KAZN: variants seen among roughly 807,000 people sequenced by gnomAD.
KAZN encodes kazrin, periplakin interacting protein.
KAZN carries 40 observed loss-of-function variants against 87.4 expected under a neutral mutation model. The observed-to-expected ratio is 0.46, with a 90% confidence interval of 0.36 to 0.60. KAZN has a LOEUF of 0.60. KAZN is among the 20% of genes least tolerant of loss of function. The pLI is 0.00. For synonymous variants in KAZN, 466 were observed against 458.3 expected, an observed-to-expected ratio of 1.02 and a Z score of -0.22; for missense variants, 898 against 1,073.9, an observed-to-expected ratio of 0.84 and a Z score of 2.29.
intron 2 of KAZN, among the ~76,000 whole-genome samples, chr1:14,985,848 C>T (rs1188817072): frequency 6.6e-6 from 1 of 151,192 alleles, no homozygotes; most frequent in Non-Finnish European, 1.5e-5. Context: ...ACTAAGAATA[C>T]AAAAATTAGC....
At chr1:14,359,708 T>A (rs10927412) in intron 2 of KAZN, among the ~76,000 whole-genome samples, 5 of 151,970 alleles carry the variant, frequency 3.3e-5, no homozygotes, top group South Asian at 2.1e-4. Context: ...GTCGTTTGGC[T>A]GGATATGAAA....
At chr1:13,933,072 C>T (rs991074968) in intron 1 of KAZN, among the ~76,000 whole-genome samples, 1 of 152,070 alleles carries the variant, frequency 6.6e-6, no homozygotes, top group African/African-American at 2.4e-5. Flanking sequence ...ACTAAGAAAC[C>T]AGCATTGTAC....
At chr1:14,667,490 G>A (rs935431947) in intron 1 of KAZN, among the ~76,000 whole-genome samples, 3 of 152,180 alleles carry the variant, frequency 2.0e-5, no homozygotes, top group Non-Finnish European at 2.9e-5. Flanking sequence ...TCTGAACCAC[G>A]TTCATCTGAT....
chr1:14,805,050 C>T (rs1251893630), intron 1 of KAZN, among the ~76,000 whole-genome samples: 1 of 152,236 alleles, frequency 6.6e-6, no homozygotes, highest in Non-Finnish European at 1.5e-5. Context: ...TCCTCTGTAA[C>T]ATGGGGAGAA....
intron 1 of KAZN, among the ~76,000 whole-genome samples, chr1:14,059,361 G>T (rs1194269356): frequency 6.6e-6 from 1 of 152,180 alleles, no homozygotes; most frequent in Non-Finnish European, 1.5e-5. Flanking sequence ...ACTGGTGCAA[G>T]TCCCAGAGTC....
At chr1:14,700,910 T>G (rs1459040405) in intron 1 of KAZN, among the ~76,000 whole-genome samples, 2 of 152,172 alleles carry the variant, frequency 1.3e-5, no homozygotes, top group African/African-American at 4.8e-5. Context: ...TCTTGGATGG[T>G]TCTTGTCTCC....
At chr1:14,309,914 A>C (rs921587675) in intron 2 of KAZN, among the ~76,000 whole-genome samples, 3 of 152,122 alleles carry the variant, frequency 2.0e-5, no homozygotes, top group African/African-American at 7.2e-5. Context: ...ACACAAGTCA[A>C]GTTCAAAGCA....
intron 1 of KAZN, among the ~76,000 whole-genome samples, chr1:13,988,743 A>C (rs1291337728): frequency 6.6e-6 from 1 of 152,210 alleles, no homozygotes; most frequent in African/African-American, 2.4e-5. Flanking sequence ...TTAATAAAGA[A>C]AAACAAAAGT....
chr1:14,164,381 G>A (rs1645774243), intron 1 of KAZN, among the ~76,000 whole-genome samples: 1 of 151,810 alleles, frequency 6.6e-6, no homozygotes, highest in Non-Finnish European at 1.5e-5. Flanking sequence ...CATATGGCCT[G>A]CTTGAATATC....
chr1:14,387,514 T>C (rs1306512262), intron 2 of KAZN, among the ~76,000 whole-genome samples: 1 of 152,030 alleles, frequency 6.6e-6, no homozygotes, highest in Non-Finnish European at 1.5e-5. Flanking sequence ...TTTCTGTTTG[T>C]TAGTTTTCCT....
intron 1 of KAZN, among the ~76,000 whole-genome samples, chr1:14,696,315 T>A (rs748875461): frequency 6.6e-6 from 1 of 152,154 alleles, no homozygotes; most frequent in Admixed American, 6.5e-5. Flanking sequence ...GCATAGGCAA[T>A]TAGTGGGAAC....
At chr1:14,771,149 T>C (rs1227879937) in intron 1 of KAZN, among the ~76,000 whole-genome samples, 1 of 152,150 alleles carries the variant, frequency 6.6e-6, no homozygotes, top group Non-Finnish European at 1.5e-5. Context: ...CAATATGCTA[T>C]CACAGAGAAG....
chr1:14,541,651 G>A (rs186279749), intron 2 of KAZN, among the ~76,000 whole-genome samples: 1 of 152,220 alleles, frequency 6.6e-6, no homozygotes, highest in Admixed American at 6.5e-5. Flanking sequence ...AGAAGATCTG[G>A]TGCCCATCTG....
At chr1:14,031,223 C>T (rs1641314173) in intron 1 of KAZN, among the ~76,000 whole-genome samples, 1 of 152,140 alleles carries the variant, frequency 6.6e-6, no homozygotes, top group South Asian at 2.1e-4. Context: ...GTCCAAATAC[C>T]ATGTGAATAT....
chr1:13,980,130 T>TAAG (rs1638591148), intron 1 of KAZN, among the ~76,000 whole-genome samples: 1 of 151,976 alleles, frequency 6.6e-6, no homozygotes, highest in African/African-American at 2.4e-5. Flanking sequence ...GGTTAACTGC[T>TAAG]AAGACAATAA....
intron 1 of KAZN, among the ~76,000 whole-genome samples, chr1:14,670,858 T>C (rs898963417): frequency 2.6e-5 from 4 of 152,286 alleles, no homozygotes; most frequent in Admixed American, 2.0e-4. Flanking sequence ...AGTCCAGTGT[T>C]TCTCGACAAG....
At chr1:14,658,965 T>C (rs1638979474) in intron 1 of KAZN, among the ~76,000 whole-genome samples, 1 of 152,102 alleles carries the variant, frequency 6.6e-6, no homozygotes, top group East Asian at 1.9e-4. Flanking sequence ...CTGGGAGCAA[T>C]GAATGGCTCA....
chr1:14,429,899 A>C (rs1198861483), intron 2 of KAZN, among the ~76,000 whole-genome samples: 1 of 152,040 alleles, frequency 6.6e-6, no homozygotes, highest in East Asian at 1.9e-4. Flanking sequence ...AATCCATTTC[A>C]CTTAGAGTAA....
At chr1:14,752,459 A>T (rs184326653) in intron 1 of KAZN, among the ~76,000 whole-genome samples, 5 of 152,326 alleles carry the variant, frequency 3.3e-5, no homozygotes, top group African/African-American at 7.2e-5. Flanking sequence ...TTTAGAAAAC[A>T]TGGAAATTTA....
Sources: gnomAD v4.1 joint callset for allele counts (sites outside exome capture counted in the v4.1 genomes callset) on GRCh38, gnomAD v4.1.1 for gene constraint, MANE v1.5 for transcripts, NCBI Gene and HGNC (gene_info 2026-07-23, HGNC 2026-07-21) for gene names.